ANK1: variants seen among roughly 807,000 people sequenced by gnomAD.
ANK1 encodes ankyrin-1.
ANK1 carries 51 observed loss-of-function variants against 210.4 expected under a neutral mutation model. The observed-to-expected ratio is 0.24, with a 90% CI of 0.19 to 0.31. The LOEUF is 0.31. Ranked by LOEUF, ANK1 falls within the 10% of genes least tolerant of loss-of-function variation. The probability of loss-of-function intolerance (pLI) is 1.00; values close to 1 mark genes in which losing one functional copy is unlikely to be tolerated. For missense variants in ANK1, 2,051 were observed against 2,504.4 expected, an observed-to-expected ratio of 0.82 and a Z score of 3.86; for synonymous variants, 967 against 1,025.9, an observed-to-expected ratio of 0.94 and a Z score of 1.10.
At chr8:41,803,080 G>GAAGGAAGGAAGGAAGGGAAGGT (rs1563811026) in intron 1 of ANK1, among the ~76,000 whole-genome samples, 1 of 46,180 alleles carries the variant, frequency 2.2e-5, no homozygotes, top group Non-Finnish European at 4.2e-5. Flanking sequence ...AGGAAGGAAG[G>GAAGGAAGGAAGGAAGGGAAGGT]AAGGGAAGGA....
chr8:41,703,450 A>ATATATATATATATT lies in ANK1; in HGVS notation c.2295+590_2295+591insAATATATATATATA, dbSNP rs59985416. Among the ~76,000 whole-genome samples, 87 of 58,808 alleles carry ATATATATATATATT rather than the reference A, an allele frequency of 1.5e-3. 1 individual carries two copies. Among genetic ancestry groups the ATATATATATATATT allele is most frequent in the East Asian group, 3.8e-3 (7 of 1,852 alleles). The allele number at this position is 58,808 out of a possible 152,430, so 38.6% of individuals were successfully genotyped here. A position where few individuals can be genotyped will look rare whatever the true frequency, so the allele number is the denominator to read the frequency against. ...TATATATATATATATATATATATAT[A>ATATATATATATATT]TTTTTTTTTTTTTTTTAAGACACAA... On this transcript the variant is annotated intron_variant, in intron 20 of 42. Transcript: ENST00000289734.
At chr8:41,660,336 T>A (rs1175659814) in intron 42 of ANK1, 1 of 439,692 alleles carries the variant, frequency 2.3e-6, no homozygotes, top group Admixed American at 3.1e-5. Context: ...GCCTCCTTGC[T>A]GCTCGGTCCC....
intron 37 of ANK1, among the ~76,000 whole-genome samples, chr8:41,677,615 A>T (rs1253625626): frequency 1.4e-5 from 2 of 141,230 alleles, no homozygotes; most frequent in Non-Finnish European, 1.5e-5. Context: ...TTGAGACAGG[A>T]TTTCACTCCC....
At position 41,716,953 on chromosome 8, in the gene ANK1, C is replaced by T; in HGVS notation, c.1404G>A (p.Lys468=). ...QNKAKVNAKA[K]DDQTPLHCAA... Reference sequence around the variant, plus strand: ...TTCCCTTCCTGCCTTCACTACTCACCTTGGCCTTGGCATTGACTTTGGCTT... The same window carrying T: ...TTCCCTTCCTGCCTTCACTACTCACTTTGGCCTTGGCATTGACTTTGGCTT... The change falls in exon 13 of 43, where the codon AAG becomes AAA. Residue 468 remains lysine (K), a splice_region_variant and synonymous_variant. Coordinates refer to ENST00000289734, the MANE Select transcript of ANK1 (RefSeq NM_000037.4). The T allele has an allele frequency of 6.2e-7, 1 of 1,613,974 alleles. No homozygotes were observed. Among genetic ancestry groups the T allele is most frequent in the South Asian group, 1.1e-5 (1 of 91,058 alleles).
intron 34 of ANK1, 129 bp from the exon 35 acceptor site, chr8:41,688,359 A>G: frequency 7.0e-7 from 1 of 1,427,060 alleles, no homozygotes; most frequent in South Asian, 1.2e-5. Flanking sequence ...CTGCAAGATC[A>G]GGGGAAGACC....
rs1308060199 is a variant in ANK1, at chr8:41,672,817, C to A, written c.4633G>T (p.Ala1545Ser). ...GCCAAGGGGATGGCGTCTAGGACGG[C>A]CACCTCATTCCAGTACTGGTCTGCA... ...LRADQYWNEV[A>S]VLDAIPLAAT... The change falls in exon 38 of 43, where the codon GCC (alanine) becomes TCC (serine). Residue 1545 changes from alanine (A) to serine (S), a missense_variant. Ala to Ser is a moderately conservative substitution (Grantham distance 99). Coordinates refer to ENST00000289734, the MANE Select transcript of ANK1 (RefSeq NM_000037.4). The A allele has an allele frequency of 6.2e-7, 1 of 1,608,762 alleles. No homozygotes were observed. Among genetic ancestry groups the A allele is most frequent in the South Asian group, 1.1e-5 (1 of 90,620 alleles).
At chr8:41,688,070 A>T (rs746147957) in intron 35 of ANK1, 86 bp downstream of exon 35, 2 of 1,452,428 alleles carry the variant, frequency 1.4e-6, no homozygotes, top group Non-Finnish European at 1.9e-6. Context: ...AAGGAGGGTT[A>T]GAAATGCCTC....
chr8:41,873,462 C>G (rs1229772422), intron 1 of ANK1, among the ~76,000 whole-genome samples: 1 of 152,174 alleles, frequency 6.6e-6, no homozygotes, highest in African/African-American at 2.4e-5. Context: ...TCCAAGTCAC[C>G]CTATTATTAA....
intron 9 of ANK1, among the ~76,000 whole-genome samples, chr8:41,722,912 C>A (rs1829639284): frequency 6.6e-6 from 1 of 152,132 alleles, no homozygotes; most frequent in Non-Finnish European, 1.5e-5. Flanking sequence ...CATACCTGGT[C>A]CTTTAGATAA....
At chr8:41,697,627 G>T in intron 24 of ANK1, 1 of 341,598 alleles carries the variant, frequency 2.9e-6, no homozygotes, top group Non-Finnish European at 5.8e-6. Flanking sequence ...TTTCTGGTTG[G>T]GCCCCGGCTC....
intron 1 of ANK1, among the ~76,000 whole-genome samples, chr8:41,868,540 G>A (rs918862878): frequency 2.0e-5 from 3 of 152,198 alleles, no homozygotes; most frequent in Admixed American, 2.0e-4. Context: ...CATCAGAAAT[G>A]TTCACGGCAT....
At chr8:41,661,247 A>T (rs1213775496) in intron 42 of ANK1, 183 bp downstream of exon 42, 29 of 851,026 alleles carry the variant, frequency 3.4e-5, no homozygotes, top group Admixed American at 7.0e-5. Flanking sequence ...CTTGATGAGG[A>T]AGCTGGGGTT....
chr8:41,677,466 G>A (rs942343755), intron 37 of ANK1, among the ~76,000 whole-genome samples: 8 of 151,924 alleles, frequency 5.3e-5, no homozygotes, highest in East Asian at 1.9e-4. Flanking sequence ...TTGAAGTTAC[G>A]TGTGCTAGGT....
At position 41,688,506 on chromosome 8, in the gene ANK1, C is replaced by T. The variant is rs370972172; in HGVS notation, c.4183+5G>A. ...CAAGCATGCATCATCACACAGAGGCCGTACCTGGTGTGGACTCACTGAGAA... is the reference window on the plus strand; with the variant it reads ...CAAGCATGCATCATCACACAGAGGCTGTACCTGGTGTGGACTCACTGAGAA... On this transcript the variant is annotated splice_donor_5th_base_variant and intron_variant, in intron 34 of 42. Transcript: ENST00000289734. 4.0e-5 allele frequency: 64 copies of T among 1,613,766 alleles called. No homozygotes were observed. The highest frequency in any genetic ancestry group is 3.1e-4 in the South Asian group (28 of 91,084).
intron 1 of ANK1, among the ~76,000 whole-genome samples, chr8:41,846,518 G>A (rs929286858): frequency 6.6e-6 from 1 of 152,250 alleles, no homozygotes; most frequent in Non-Finnish European, 1.5e-5. Flanking sequence ...AAGGCTCGCA[G>A]GGGCTGGCAT....
In ANK1 at chr8:41,715,674, G is replaced by A. The variant is rs757803333; in HGVS notation, c.1580C>T (p.Ala527Val). 6 of 1,613,730 alleles carry A rather than the reference G, an allele frequency of 3.7e-6. No homozygotes were observed. Among genetic ancestry groups the A allele is most frequent in the Non-Finnish European group, 5.1e-6 (6 of 1,180,006 alleles). The part of the protein sequence containing the change: ...ETVLALLEKE[A>V]SQACMTKKGF... ...TACCTTGGTCATGCAGGCCTGGGAT[G>A]CTTCCTTTTCCAGAAGGGCCAGGAC... Residue 527 changes from alanine (A) to valine (V), a missense_variant, in exon 14 of 43, where the codon GCA (alanine) becomes GTA (valine). Ala to Val is a moderately conservative substitution (Grantham distance 64). Transcript: ENST00000289734.
chr8:41,866,370 T>G (rs1814458516), intron 1 of ANK1, among the ~76,000 whole-genome samples: 1 of 152,190 alleles, frequency 6.6e-6, no homozygotes, highest in African/African-American at 2.4e-5. Flanking sequence ...TATTTTTTAT[T>G]TTTTGTAGAG....
At chr8:41,699,405 G>T in intron 23 of ANK1, 47 bp downstream of exon 23, 1 of 1,553,260 alleles carries the variant, frequency 6.4e-7, no homozygotes, top group Non-Finnish European at 8.9e-7. Context: ...TGAGCCACAG[G>T]GTTGCATCTC....
intron 38 of ANK1, among the ~76,000 whole-genome samples, chr8:41,671,849 T>C (rs1446822097): frequency 7.5e-6 from 1 of 133,074 alleles, no homozygotes; most frequent in African/African-American, 2.9e-5. Context: ...GGTGCCCCGA[T>C]GTCCTAAGTG....
Sources: allele counts gnomAD v4.1 joint callset (sites outside exome capture counted in the v4.1 genomes callset), GRCh38; gene constraint gnomAD v4.1.1; transcripts MANE v1.5; gene names NCBI Gene and HGNC (gene_info 2026-07-23, HGNC 2026-07-21).